NRG3: variants seen among roughly 807,000 people sequenced by gnomAD.
The protein encoded by NRG3 is pro-neuregulin-3, membrane-bound isoform.
In NRG3, 31 loss-of-function variants were observed where a neutral mutation model predicts 66.9. The observed-to-expected ratio is 0.46, with a 90% CI of 0.35 to 0.63. The LOEUF is 0.63. Ranked by LOEUF, NRG3 falls within the 20% of genes least tolerant of loss-of-function variation. The pLI is 0.00. For synonymous variants in NRG3, 393 were observed against 359.4 expected (o/e 1.09, Z -1.06); for missense variants, 910 against 878.9 (o/e 1.04, Z -0.45).
intron 1 of NRG3, among the ~76,000 whole-genome samples, chr10:81,907,840 A>G (rs1844741458): frequency 6.6e-6 from 1 of 152,204 alleles, no homozygotes; most frequent in Non-Finnish European, 1.5e-5. Context: ...AATTTTCAGA[A>G]GTTGGGACTT....
chr10:82,383,427 T>TAAA (rs5786549), intron 2 of NRG3, among the ~76,000 whole-genome samples: 2 of 151,410 alleles, frequency 1.3e-5, no homozygotes, highest in Non-Finnish European at 3.0e-5. Flanking sequence ...TTTCCTTTTT[T>TAAA]AAAAAAAACA....
chr10:82,157,637 T>C (rs573371279), intron 1 of NRG3, among the ~76,000 whole-genome samples: 1 of 151,182 alleles, frequency 6.6e-6, no homozygotes, highest in Non-Finnish European at 1.5e-5. Flanking sequence ...AAGGGAGAAA[T>C]GGAATATTAG....
chr10:82,587,834 A>C (rs1196667112), intron 2 of NRG3, among the ~76,000 whole-genome samples: 1 of 152,360 alleles, frequency 6.6e-6, no homozygotes, highest in East Asian at 1.9e-4. Context: ...GTATGTAGGC[A>C]CAGAGAGAAA....
intron 2 of NRG3, among the ~76,000 whole-genome samples, chr10:82,524,955 A>G (rs1227449981): frequency 6.6e-6 from 1 of 151,818 alleles, no homozygotes; most frequent in African/African-American, 2.4e-5. Context: ...ATTCACAGTG[A>G]TAGATCTTTC....
intron 2 of NRG3, among the ~76,000 whole-genome samples, chr10:82,635,370 C>A (rs889616399): frequency 3.9e-5 from 6 of 152,120 alleles, no homozygotes; most frequent in African/African-American, 9.7e-5. Flanking sequence ...AGCTTTTATG[C>A]TTCTTTAGCT....
At chr10:82,051,535 C>T (rs2063593061) in intron 1 of NRG3, among the ~76,000 whole-genome samples, 1 of 152,146 alleles carries the variant, frequency 6.6e-6, no homozygotes, top group African/African-American at 2.4e-5. Flanking sequence ...CTAGAACTGG[C>T]TGTGGAGACT....
intron 1 of NRG3, among the ~76,000 whole-genome samples, chr10:82,217,884 A>G (rs2075765004): frequency 6.6e-6 from 1 of 152,214 alleles, no homozygotes; most frequent in African/African-American, 2.4e-5. Flanking sequence ...TATTACTCAA[A>G]AGGCCTATCT....
chr10:82,688,964 A>T (rs1270711316), intron 2 of NRG3, among the ~76,000 whole-genome samples: 1 of 152,158 alleles, frequency 6.6e-6, no homozygotes, highest in Non-Finnish European at 1.5e-5. Context: ...GCAACTCTAT[A>T]ATTTGTATAT....
At chr10:82,516,843 A>G (rs1382800333) in intron 2 of NRG3, among the ~76,000 whole-genome samples, 1 of 152,176 alleles carries the variant, frequency 6.6e-6, no homozygotes, top group Non-Finnish European at 1.5e-5. Context: ...GTTACTGGAA[A>G]GGAAAAATAT....
chr10:82,841,412 T>C (rs2063052004), intron 3 of NRG3, among the ~76,000 whole-genome samples: 1 of 152,202 alleles, frequency 6.6e-6, no homozygotes, highest in Admixed American at 6.5e-5. Flanking sequence ...TGAATAGTGA[T>C]GATTAATTAG....
chr10:82,603,251 A>C (rs569022210), intron 2 of NRG3, among the ~76,000 whole-genome samples: 1 of 152,218 alleles, frequency 6.6e-6, no homozygotes, highest in African/African-American at 2.4e-5. Flanking sequence ...TGGCTGCTAG[A>C]GCCCCACTCT....
At position 82,712,915 on chromosome 10, in the gene NRG3, T is replaced by C. The variant is rs114491652; in HGVS notation, c.954-25662T>C. On this transcript the variant is annotated intron_variant, in intron 2 of 8. Coordinates refer to ENST00000372141, the MANE Select transcript of NRG3 (RefSeq NM_001010848.4). ...CAGACGGATCAGTTGAGGTCAGGAG[T>C]TTATGACCACCCCAGCCAGCATGAT... 6.8e-3 allele frequency among the ~76,000 whole-genome samples: 1,027 copies of C among 150,824 alleles called. 10 individuals carry two copies. The highest frequency in any genetic ancestry group is 0.024 in the African/African-American group (990 of 41,150).
chr10:82,540,160 G>A (rs1231108309), intron 2 of NRG3, among the ~76,000 whole-genome samples: 1 of 150,618 alleles, frequency 6.6e-6, no homozygotes, highest in Non-Finnish European at 1.5e-5. Flanking sequence ...TTCCATAGCC[G>A]TGCTGTAATT....
chr10:82,948,591 G>C (rs1849239721), intron 4 of NRG3, among the ~76,000 whole-genome samples: 1 of 151,944 alleles, frequency 6.6e-6, no homozygotes, highest in African/African-American at 2.4e-5. Context: ...TATTTATTTA[G>C]ATCTTCTTTT....
chr10:82,022,176 G>C (rs1221725993), intron 1 of NRG3, among the ~76,000 whole-genome samples: 1 of 152,002 alleles, frequency 6.6e-6, no homozygotes, highest in African/African-American at 2.4e-5. Flanking sequence ...AGGTCGTCAG[G>C]CCACGGTGAT....
At position 82,306,914 on chromosome 10, in the gene NRG3, A is replaced by C. The variant is rs993041887; in HGVS notation, c.824-51825A>C. Among the ~76,000 whole-genome samples, 27 of 152,022 alleles carry C rather than the reference A, an allele frequency of 1.8e-4. 1 individual carries two copies. The highest frequency in any genetic ancestry group is 1.3e-4 in the Admixed American group (2 of 15,270). On this transcript the variant is annotated intron_variant, in intron 1 of 8. Coordinates refer to ENST00000372141, the MANE Select transcript of NRG3 (RefSeq NM_001010848.4). Reference sequence around the variant, plus strand: ...ATTCACTTCATCAAGCTGTAGCTCTATGAAGTTTTGATATCCAGTACCAGT... The same window carrying C: ...ATTCACTTCATCAAGCTGTAGCTCTCTGAAGTTTTGATATCCAGTACCAGT...
intron 1 of NRG3, among the ~76,000 whole-genome samples, chr10:82,099,609 T>C (rs1219312720): frequency 6.6e-6 from 1 of 152,166 alleles, no homozygotes; most frequent in African/African-American, 2.4e-5. Context: ...TACAATAAAC[T>C]CTACTGGTAC....
At chr10:82,722,877 G>A (rs1193543645) in intron 2 of NRG3, among the ~76,000 whole-genome samples, 6 of 152,118 alleles carry the variant, frequency 3.9e-5, no homozygotes, top group Non-Finnish European at 8.8e-5. Flanking sequence ...TAATAGTATA[G>A]TTAAGAAACA....
chr10:82,097,543 G>A (rs2066434178), intron 1 of NRG3, among the ~76,000 whole-genome samples: 1 of 149,396 alleles, frequency 6.7e-6, no homozygotes, highest in Admixed American at 6.7e-5. Flanking sequence ...TATATATATA[G>A]GCACACCCAT....
Sources: allele counts gnomAD v4.1 joint callset (sites outside exome capture counted in the v4.1 genomes callset), GRCh38; gene constraint gnomAD v4.1.1; transcripts MANE v1.5; gene names NCBI Gene and HGNC (gene_info 2026-07-23, HGNC 2026-07-21).